CHN2: variants seen among roughly 807,000 people sequenced by gnomAD.
CHN2 encodes the protein beta-chimaerin.
In CHN2, 35 loss-of-function variants were observed where a neutral mutation model predicts 56.3. The observed-to-expected ratio is 0.62, with a 90% CI of 0.47 to 0.82. The LOEUF (loss-of-function observed/expected upper bound fraction) is 0.82, where lower values mean the gene tolerates loss of function less well. Ranked by LOEUF, CHN2 falls within the 40% of genes least tolerant of loss-of-function variation. CHN2 has a pLI of 0.00. For missense variants in CHN2, 491 were observed against 580.5 expected (o/e 0.85, Z 1.58); for synonymous variants, 210 against 212.8 (o/e 0.99, Z 0.12).
intron 2 of CHN2, among the ~76,000 whole-genome samples, chr7:29,366,136 GTCCCTTTTCT>G (rs1241906111): frequency 6.6e-6 from 1 of 152,174 alleles, no homozygotes; most frequent in Admixed American, 6.5e-5. Flanking sequence ...TGAAGTTGAG[GTCCCTTTTCT>G]TTTGAGAAAA....
chr7:29,473,482 T>TTTTTTTTTTGTG (rs539151442), intron 6 of CHN2, among the ~76,000 whole-genome samples: 3 of 118,196 alleles, frequency 2.5e-5, no homozygotes, highest in African/African-American at 6.6e-5. Context: ...TTTTTTTTTT[T>TTTTTTTTTTGTG]TGTGTGTGTG....
At chr7:29,182,019 C>G (rs545183398) in intron 2 of CHN2, among the ~76,000 whole-genome samples, 1 of 152,266 alleles carries the variant, frequency 6.6e-6, no homozygotes, top group East Asian at 1.9e-4. Context: ...CTGTAAATGA[C>G]TTTTTCTTAC....
intron 6 of CHN2, among the ~76,000 whole-genome samples, chr7:29,448,946 T>C (rs1180132328): frequency 2.6e-5 from 4 of 152,218 alleles, no homozygotes; most frequent in Non-Finnish European, 5.9e-5. Context: ...ACTAAATGTG[T>C]GCGGAATTTA....
chr7:29,248,051 G>A (rs924191439), intron 1 of CHN2, among the ~76,000 whole-genome samples: 4 of 152,230 alleles, frequency 2.6e-5, no homozygotes, highest in Admixed American at 2.6e-4. Context: ...GGTTTGAGGA[G>A]GGCTGGAGGG....
chr7:29,293,376 C>A (rs904141639), intron 1 of CHN2, among the ~76,000 whole-genome samples: 1 of 108,882 alleles, frequency 9.2e-6, no homozygotes, highest in South Asian at 4.0e-4. Context: ...CCCCCCCCCC[C>A]CATATTAACT....
chr7:29,419,019 C>T (rs994450133), intron 6 of CHN2, among the ~76,000 whole-genome samples: 1 of 152,116 alleles, frequency 6.6e-6, no homozygotes, highest in Non-Finnish European at 1.5e-5. Flanking sequence ...TCTCAGCGTA[C>T]CAGTATGCAG....
chr7:29,426,816 T>C (rs1424438923), intron 6 of CHN2, among the ~76,000 whole-genome samples: 3 of 152,176 alleles, frequency 2.0e-5, no homozygotes, highest in South Asian at 2.1e-4. Context: ...TGGATTCATT[T>C]CCTTGAGTTT....
chr7:29,244,338 C>G (rs1181951102), intron 1 of CHN2, among the ~76,000 whole-genome samples: 3 of 152,164 alleles, frequency 2.0e-5, no homozygotes, highest in Admixed American at 1.3e-4. Context: ...CAATCCACCT[C>G]CCACACAGAG....
chr7:29,494,327 G>A (rs2128566124), intron 7 of CHN2, among the ~76,000 whole-genome samples: 1 of 149,178 alleles, frequency 6.7e-6, no homozygotes, highest in South Asian at 2.1e-4. Flanking sequence ...ATATTTAATT[G>A]ATCTTCACAG....
chr7:29,153,738 T>G (rs1451026918), intron 2 of CHN2, among the ~76,000 whole-genome samples: 2 of 151,898 alleles, frequency 1.3e-5, no homozygotes, highest in African/African-American at 4.8e-5. Context: ...CCCAGATAAT[T>G]TTTGTATTTT....
intron 3 of CHN2, among the ~76,000 whole-genome samples, chr7:29,374,132 T>C (rs1035860427): frequency 6.6e-6 from 1 of 152,166 alleles, no homozygotes; most frequent in Non-Finnish European, 1.5e-5. Context: ...TCCTAGACTT[T>C]CTCTGCTTGT....
chr7:29,220,280 A>AAAAGAGAGAG (rs1554366787), intron 1 of CHN2, among the ~76,000 whole-genome samples: 2 of 138,140 alleles, frequency 1.4e-5, no homozygotes, highest in African/African-American at 2.7e-5. Context: ...AAAAAAAAAA[A>AAAAGAGAGAG]AGAGAGAGAG....
At chr7:29,415,212 G>T (rs1019935995) in intron 6 of CHN2, among the ~76,000 whole-genome samples, 1 of 152,188 alleles carries the variant, frequency 6.6e-6, no homozygotes, top group Non-Finnish European at 1.5e-5. Flanking sequence ...GAAAGAAGTG[G>T]ACTCTTTCTG....
intron 1 of CHN2, among the ~76,000 whole-genome samples, chr7:29,258,707 C>T (rs909998732): frequency 6.6e-6 from 1 of 152,074 alleles, no homozygotes; most frequent in Non-Finnish European, 1.5e-5. Context: ...GCGTGAGACC[C>T]ACAAAATAAC....
At chr7:29,218,733 C>G (rs909653457) in intron 1 of CHN2, among the ~76,000 whole-genome samples, 1 of 147,516 alleles carries the variant, frequency 6.8e-6, no homozygotes, top group Non-Finnish European at 1.5e-5. Flanking sequence ...TGTTCTCACT[C>G]ATAGGTGGGA....
At chr7:29,471,918 G>A (rs568167969) in intron 6 of CHN2, among the ~76,000 whole-genome samples, 17 of 152,184 alleles carry the variant, frequency 1.1e-4, no homozygotes, top group South Asian at 2.1e-4. Context: ...ATGTGTTTGC[G>A]TTTAGTTATA....
At chr7:29,404,989 A>G (rs1802512284) in intron 6 of CHN2, among the ~76,000 whole-genome samples, 5 of 133,968 alleles carry the variant, frequency 3.7e-5, no homozygotes, top group Admixed American at 2.8e-4. Flanking sequence ...ACAGTGTGGA[A>G]GGAGATTTTT....
At chr7:29,433,574 C>T (rs902854059) in intron 6 of CHN2, among the ~76,000 whole-genome samples, 6 of 152,110 alleles carry the variant, frequency 3.9e-5, no homozygotes, top group South Asian at 2.1e-4. Context: ...CAGTGACTCA[C>T]GCCTGTAATC....
intron 6 of CHN2, among the ~76,000 whole-genome samples, chr7:29,407,085 C>A (rs1356488535): frequency 1.3e-5 from 2 of 152,174 alleles, no homozygotes; most frequent in African/African-American, 4.8e-5. Context: ...ATCTGGCCAC[C>A]AACTCCTTGT....
Sources: allele counts gnomAD v4.1 joint callset (sites outside exome capture counted in the v4.1 genomes callset), GRCh38; gene constraint gnomAD v4.1.1; transcripts MANE v1.5; gene names NCBI Gene and HGNC (gene_info 2026-07-23, HGNC 2026-07-21).